Variants in MYCBP2 observed in about 807,000 individuals in gnomAD.
MYCBP2 encodes the protein MYC binding protein 2.
A neutral mutation model predicts 525.3 loss-of-function variants in MYCBP2; 120 were observed. The ratio of observed to expected loss-of-function variants is 0.23; its 90% CI spans 0.20 to 0.27. The LOEUF (loss-of-function observed/expected upper bound fraction) is 0.27, where lower values mean the gene tolerates loss of function less well. Among genes scored for constraint, MYCBP2 ranks in the 10% least tolerant of loss-of-function variants. The pLI, the probability that MYCBP2 is intolerant of heterozygous loss-of-function variation, is 1.00. For synonymous variants in MYCBP2, 1,894 were observed against 1,955.8 expected, an observed-to-expected ratio of 0.97 and a Z score of 0.83; for missense variants, 4,149 against 5,657.1, an observed-to-expected ratio of 0.73 and a Z score of 8.55.
chr13:77,203,616 G>A (rs914986208), intron 26 of MYCBP2, among the ~76,000 whole-genome samples: 4 of 152,172 alleles, frequency 2.6e-5, no homozygotes, highest in African/African-American at 9.7e-5. Flanking sequence ...GAACAAAGCT[G>A]GAGGCATCAC....
At position 77,066,008 on chromosome 13, in the gene MYCBP2, A is replaced by G. The variant is rs375353115; in HGVS notation, c.12536T>C (p.Ile4179Thr). 6 of 1,611,880 alleles carry G rather than the reference A, an allele frequency of 3.7e-6. No individual in the cohort carries two copies. The highest frequency in any genetic ancestry group is 1.7e-4 in the Middle Eastern group (1 of 6,052). Residue 4179 changes from isoleucine (I) to threonine (T), a missense_variant, in exon 72 of 83, where the codon ATC becomes ACC. Around this residue, in one of 21 missense-constraint regions of MYCBP2, gnomAD observed 148 missense variants for 179.4 expected, o/e 0.82. Coordinates refer to ENST00000544440, the MANE Select transcript of MYCBP2 (RefSeq NM_015057.5). ...TQISEIIIKL[I>T]KDMAAGHLSE... Reference sequence around the variant, plus strand: ...GGAACTTACTGCTGCCATATCCTTGATAAGTTTAATGATGATCTCTGAGAT... The same window carrying G: ...GGAACTTACTGCTGCCATATCCTTGGTAAGTTTAATGATGATCTCTGAGAT...
intron 49 of MYCBP2, among the ~76,000 whole-genome samples, chr13:77,142,779 C>T (rs1334666508): frequency 6.6e-6 from 1 of 152,160 alleles, no homozygotes; most frequent in African/African-American, 2.4e-5. Context: ...GATCTAAAAT[C>T]TAAAACCTTT....
At chr13:77,057,279 T>C (rs1282549573) in intron 78 of MYCBP2, among the ~76,000 whole-genome samples, 186 bp from the exon 79 acceptor site, 2 of 152,232 alleles carry the variant, frequency 1.3e-5, no homozygotes, top group Non-Finnish European at 2.9e-5. Flanking sequence ...TTCATTACAG[T>C]AAATTGGGAT....
chr13:77,070,734 A>G (rs1566379820), intron 68 of MYCBP2, 23 bp from the exon 69 acceptor site: 1 of 1,515,326 alleles, frequency 6.6e-7, no homozygotes, highest in Admixed American at 1.9e-5. Context: ...AAAGAAAAAA[A>G]AAAAAAAGAA....
chr13:77,326,772 T>C lies in MYCBP2; in HGVS notation c.4A>G (p.Met2Val). The C allele has an allele frequency of 7.1e-7, 1 of 1,408,342 alleles. No homozygotes were observed. Among genetic ancestry groups the C allele is most frequent in the Non-Finnish European group, 9.1e-7 (1 of 1,094,820 alleles). The allele number at this position is 1,408,342 out of a possible 1,614,324, so 87.2% of individuals were successfully genotyped here. The change falls in exon 1 of 83, where the codon ATG becomes GTG. Residue 2 changes from methionine to valine, a missense_variant. Around this residue, in one of 21 missense-constraint regions of MYCBP2, gnomAD observed 413 missense variants for 451.2 expected, o/e 0.92. Transcript: ENST00000544440. This position sits in a 1 kb window ranked among gnomAD's most constrained non-coding sequence, Gnocchi z 4.2. MMMCAATASPAA... is the reference protein window; with the variant it reads MVMCAATASPAA... ...GGGGAGGCAGTCGCTGCGCACATCA[T>C]CATCCTCGCCGCCGCCGCCGCCGCC...
intron 23 of MYCBP2, among the ~76,000 whole-genome samples, chr13:77,209,282 T>C (rs928302879): frequency 6.6e-6 from 1 of 152,240 alleles, no homozygotes; most frequent in African/African-American, 2.4e-5. Context: ...GAAATGGTTC[T>C]AGTTCAAGTA....
chr13:77,157,345 C>T (rs1397655516), intron 45 of MYCBP2, among the ~76,000 whole-genome samples: 1 of 152,182 alleles, frequency 6.6e-6, no homozygotes, highest in Non-Finnish European at 1.5e-5. Context: ...CCACCTCAGC[C>T]TCCAAGTAGC....
chr13:77,296,112 T>C (rs2067509845), intron 2 of MYCBP2, among the ~76,000 whole-genome samples: 1 of 152,170 alleles, frequency 6.6e-6, no homozygotes, highest in African/African-American at 2.4e-5. Context: ...ACTTCCAGGC[T>C]ACTGGTCAAG....
At chr13:77,277,747 G>A (rs933867367) in intron 4 of MYCBP2, among the ~76,000 whole-genome samples, 42 of 152,120 alleles carry the variant, frequency 2.8e-4, no homozygotes, top group Admixed American at 2.2e-3. Flanking sequence ...GGAAGTCCCC[G>A]ATAACTCTGA....
chr13:77,287,010 G>A (rs1279208155), intron 3 of MYCBP2, among the ~76,000 whole-genome samples: 7 of 136,730 alleles, frequency 5.1e-5, no homozygotes, highest in African/African-American at 1.7e-4. Flanking sequence ...TCAGCCTCCC[G>A]AGTAGCTGGG....
intron 60 of MYCBP2, 88 bp from the exon 61 acceptor site, chr13:77,089,119 T>C (rs1268881790): frequency 7.1e-6 from 7 of 979,220 alleles, no homozygotes; most frequent in Non-Finnish European, 1.0e-5. Context: ...CTTAAAGCCT[T>C]TGTCATTGGT....
chr13:77,286,344 G>T (rs73547880), intron 3 of MYCBP2, among the ~76,000 whole-genome samples: 3,401 of 152,126 alleles, frequency 0.022, 124 homozygotes, highest in African/African-American at 0.078. Context: ...ATTTTGAATA[G>T]CTCTGTTTAG....
chr13:77,089,639 A>G (rs1190130308), intron 60 of MYCBP2, among the ~76,000 whole-genome samples: 1 of 150,166 alleles, frequency 6.7e-6, no homozygotes, highest in Non-Finnish European at 1.5e-5. Context: ...GGTCCAGATC[A>G]TGTAACTGTT....
In MYCBP2 at chr13:77,323,593, T is replaced by C. The variant is rs150278131; in HGVS notation, c.302+2881A>G. Among the ~76,000 whole-genome samples, 155 of 152,334 alleles carry C rather than the reference T, an allele frequency of 1.0e-3. 1 individual carries two copies. Among genetic ancestry groups the C allele is most frequent in the Middle Eastern group, 3.4e-3 (1 of 294 alleles). The stretch of plus-strand genomic sequence containing the variant: ...AGGTTTTATTGCCTTCACAGTTACT[T>C]ATTACTAAGTGAAATTATGAGTTGT... On this transcript the variant is annotated intron_variant, in intron 1 of 82. Coordinates refer to ENST00000544440, the MANE Select transcript of MYCBP2 (RefSeq NM_015057.5).
At chr13:77,199,027 G>T (rs147596695) in intron 26 of MYCBP2, among the ~76,000 whole-genome samples, 18 of 151,988 alleles carry the variant, frequency 1.2e-4, no homozygotes, top group South Asian at 6.2e-4. Flanking sequence ...ATTACTGTAG[G>T]GGGGGAGGAG....
intron 3 of MYCBP2, among the ~76,000 whole-genome samples, chr13:77,281,755 T>C (rs1232414252): frequency 6.6e-6 from 1 of 152,194 alleles, no homozygotes; most frequent in East Asian, 1.9e-4. Context: ...TCAAATCATA[T>C]ATTTCCAAAC....
chr13:77,123,274 A>C (rs2051071368), intron 54 of MYCBP2, among the ~76,000 whole-genome samples: 1 of 152,206 alleles, frequency 6.6e-6, no homozygotes, highest in Non-Finnish European at 1.5e-5. Context: ...AAATAGTAAG[A>C]TTCACATGAT....
At chr13:77,173,739 T>C (rs1398954478) in intron 37 of MYCBP2, among the ~76,000 whole-genome samples, 1 of 152,180 alleles carries the variant, frequency 6.6e-6, no homozygotes. Context: ...TCAGACTCAG[T>C]GAGAAATGTT....
At chr13:77,151,437 T>C (rs893228370) in intron 46 of MYCBP2, among the ~76,000 whole-genome samples, 4 of 152,198 alleles carry the variant, frequency 2.6e-5, no homozygotes, top group African/African-American at 9.6e-5. Flanking sequence ...ACAAATCTTA[T>C]ACCTAAAGCC....
Sources: gnomAD v4.1 joint callset for allele counts (sites outside exome capture counted in the v4.1 genomes callset) on GRCh38, gnomAD v4.1.1 for gene constraint, gnomAD v4.1.1 regional missense constraint, Gnocchi (gnomAD v3.1) non-coding constraint, MANE v1.5 for transcripts, NCBI Gene and HGNC (gene_info 2026-07-23, HGNC 2026-07-21) for gene names.